SPMAP2L: variants seen among roughly 807,000 people sequenced by gnomAD.
SPMAP2L encodes the protein sperm microtubule associated protein 2-like.
At chr4:56,592,015 C>T in the SPMAP2L span, among the ~76,000 whole-genome samples, 10 of 152,130 alleles carry the variant, frequency 6.6e-5, no homozygotes, top group Non-Finnish European at 1.2e-4. Context: ...AATACCGGTC[C>T]GTGGCCTGTT....
the SPMAP2L span, among the ~76,000 whole-genome samples, chr4:56,586,969 T>G: frequency 6.6e-6 from 1 of 152,160 alleles, no homozygotes; most frequent in Non-Finnish European, 1.5e-5. Context: ...ATGGATTTTA[T>G]ATGCAGAAAA....
chr4:56,573,761 G>A, the SPMAP2L span, among the ~76,000 whole-genome samples: 1 of 152,164 alleles, frequency 6.6e-6, no homozygotes, highest in Admixed American at 6.6e-5. Context: ...GGGCAGTAGA[G>A]TCAGGGCTGG....
At chr4:56,594,988 C>G in the SPMAP2L span, 1 of 1,607,180 alleles carries the variant, frequency 6.2e-7, no homozygotes, top group South Asian at 1.1e-5. Flanking sequence ...ATACCTTGCC[C>G]CGTTTTTGCC....
At chr4:56,567,326 G>A in the SPMAP2L span, among the ~76,000 whole-genome samples, 51 of 151,156 alleles carry the variant, frequency 3.4e-4, no homozygotes, top group South Asian at 0.01. Context: ...GAGTACAGTG[G>A]TACGATGTTG....
chr4:56,624,670 C>T, the SPMAP2L span, among the ~76,000 whole-genome samples: 1 of 152,236 alleles, frequency 6.6e-6, no homozygotes, highest in South Asian at 2.1e-4. Flanking sequence ...AGGGTGGAAG[C>T]TTCAAGCCTT....
At chr4:56,594,952 TG>T in the SPMAP2L span, 1 of 1,611,668 alleles carries the variant, frequency 6.2e-7, no homozygotes, top group Non-Finnish European at 8.5e-7. Context: ...GAGGTGGTCC[TG>T]GCATGGGGCC....
chr4:56,580,082 A>T, the SPMAP2L span, among the ~76,000 whole-genome samples: 1 of 152,206 alleles, frequency 6.6e-6, no homozygotes, highest in Admixed American at 6.5e-5. Context: ...GACTTGTATT[A>T]TCCTGATAAT....
chr4:56,531,299 A>G, the SPMAP2L span: 3 of 1,276,964 alleles, frequency 2.3e-6, no homozygotes, highest in African/African-American at 3.0e-5. Flanking sequence ...AGCTTGCCAT[A>G]TTGAAAAGAA....
chr4:56,542,178 C>G, the SPMAP2L span, among the ~76,000 whole-genome samples: 1 of 152,204 alleles, frequency 6.6e-6, no homozygotes, highest in Admixed American at 6.5e-5. Context: ...GGACATCAAC[C>G]CTTCCTTACT....
chr4:56,575,579 C>A, the SPMAP2L span: 1 of 1,535,390 alleles, frequency 6.5e-7, no homozygotes, highest in Non-Finnish European at 8.7e-7. Context: ...TTTAGACAAC[C>A]CTCCAAAAGG....
the SPMAP2L span, chr4:56,584,615 A>T: frequency 6.6e-7 from 1 of 1,526,202 alleles, no homozygotes; most frequent in Non-Finnish European, 8.8e-7. Context: ...AAAAAAAGTA[A>T]GTGTGCCCTT....
At chr4:56,591,145 T>C in the SPMAP2L span, among the ~76,000 whole-genome samples, 1 of 152,176 alleles carries the variant, frequency 6.6e-6, no homozygotes, top group Non-Finnish European at 1.5e-5. Flanking sequence ...AATTGGATCA[T>C]GAGAGTGGAT....
chr4:56,602,526 G>A, the SPMAP2L span, among the ~76,000 whole-genome samples: 1 of 152,024 alleles, frequency 6.6e-6, no homozygotes, highest in South Asian at 2.1e-4. Flanking sequence ...AACCCCGTCT[G>A]TACTAAAAAT....
At chr4:56,575,281 T>C in the SPMAP2L span, among the ~76,000 whole-genome samples, 1 of 152,102 alleles carries the variant, frequency 6.6e-6, no homozygotes, top group African/African-American at 2.4e-5. Flanking sequence ...AGATGTCATT[T>C]ATTTGAGAAA....
the SPMAP2L span, among the ~76,000 whole-genome samples, chr4:56,537,578 A>G: frequency 1.3e-5 from 2 of 152,188 alleles, no homozygotes; most frequent in Non-Finnish European, 2.9e-5. Context: ...AATGCACCCA[A>G]TGAAAGTTCT....
At chr4:56,605,872 G>T in the SPMAP2L span, among the ~76,000 whole-genome samples, 3 of 152,132 alleles carry the variant, frequency 2.0e-5, no homozygotes, top group Non-Finnish European at 4.4e-5. Flanking sequence ...TATAATAAAA[G>T]ATTTAGAACC....
the SPMAP2L span, among the ~76,000 whole-genome samples, chr4:56,589,705 TTTGTTGTTG>T: frequency 2.6e-5 from 4 of 151,732 alleles, no homozygotes; most frequent in Non-Finnish European, 4.4e-5. Context: ...GTTTTGGGTT[TTTGTTGTTG>T]TTGTTGTTGT....
chr4:56,586,154 C>T, the SPMAP2L span, among the ~76,000 whole-genome samples: 23 of 152,258 alleles, frequency 1.5e-4, no homozygotes, highest in East Asian at 4.1e-3. Context: ...CATCTGGAGG[C>T]TCCTTTACAC....
At chr4:56,558,740 T>G in the SPMAP2L span, among the ~76,000 whole-genome samples, 33 of 152,236 alleles carry the variant, frequency 2.2e-4, no homozygotes, top group Non-Finnish European at 3.2e-4. Flanking sequence ...TTATTACCAC[T>G]GATAATGGCC....
Sources: allele counts gnomAD v4.1 joint callset (sites outside exome capture counted in the v4.1 genomes callset), GRCh38; gene constraint gnomAD v4.1.1; transcripts MANE v1.5; gene names NCBI Gene and HGNC (gene_info 2026-07-23, HGNC 2026-07-21).